Variants in SPG11 observed in about 807,000 individuals in gnomAD.
SPG11 encodes spatacsin.
In SPG11, 222 loss-of-function variants were observed where a neutral mutation model predicts 274.0. The ratio of observed to expected loss-of-function variants is 0.81; its 90% CI spans 0.73 to 0.91. The LOEUF is 0.91. Among genes scored for constraint, SPG11 ranks in the 40% least tolerant of loss-of-function variants. The pLI is 0.00. For missense variants in SPG11, 3,114 were observed against 2,872.7 expected (o/e 1.08, Z -1.92); for synonymous variants, 1,144 against 1,039.7 (o/e 1.10, Z -1.93).
chr15:44,613,730 A>G (rs1001880075), intron 16 of SPG11, among the ~76,000 whole-genome samples, 194 bp from the exon 17 acceptor site: 1 of 152,222 alleles, frequency 6.6e-6, no homozygotes, highest in African/African-American at 2.4e-5. Context: ...TTAGAGATAG[A>G]GATTTTAGAG....
At position 44,622,786 on chromosome 15, in the gene SPG11, T is replaced by A; in HGVS notation, c.2258A>T (p.Lys753Ile). 1 of 1,613,666 alleles carries A rather than the reference T, an allele frequency of 6.2e-7. No homozygotes were observed. Residue 753 changes from lysine to isoleucine, a missense_variant, in exon 12 of 40, where the codon AAA becomes ATA. Transcript: ENST00000261866. Reference protein sequence around the residue: ...ELLKNMGFDVKGQLLKICFYT... With the variant: ...ELLKNMGFDVIGQLLKICFYT... ...GAAGCAGATCTTGAGCAATTGGCCTTTTACATCAAACCCCTAAAATAAACA... is the reference window on the plus strand; with the variant it reads ...GAAGCAGATCTTGAGCAATTGGCCTATTACATCAAACCCCTAAAATAAACA...
At chr15:44,659,048 T>C in intron 3 of SPG11, 31 bp downstream of exon 3, 2 of 1,597,998 alleles carry the variant, frequency 1.3e-6, no homozygotes, top group East Asian at 2.2e-5. Context: ...CTCCTCTACG[T>C]ATCAATCAAC....
At chr15:44,624,291 C>T (rs562451997) in intron 11 of SPG11, among the ~76,000 whole-genome samples, 1 of 150,868 alleles carries the variant, frequency 6.6e-6, no homozygotes, top group Admixed American at 6.6e-5. Context: ...AGTTCGAGAC[C>T]AGCCTGGGCA....
Position 44,598,616 on chromosome 15 carries a change from T to C in SPG11, c.3892+15A>G. ...CCTTCTCTAAACAAAGCAGGCCAGA[T>C]AAAAGGTGCTGTACCTACAGACTCT... On this transcript the variant is annotated intron_variant, in intron 22 of 39. Coordinates refer to ENST00000261866, the MANE Select transcript of SPG11 (RefSeq NM_025137.4). 1 of 1,612,444 alleles carries C rather than the reference T, an allele frequency of 6.2e-7. No homozygotes were observed. The highest frequency in any genetic ancestry group is 8.5e-7 in the Non-Finnish European group (1 of 1,178,638).
chr15:44,655,454 G>A (rs952947521), intron 4 of SPG11, among the ~76,000 whole-genome samples: 1 of 152,126 alleles, frequency 6.6e-6, no homozygotes, highest in Non-Finnish European at 1.5e-5. Flanking sequence ...CATGTACCAT[G>A]GGTTGAGGTA....
chr15:44,615,221 T>C, intron 16 of SPG11, 142 bp downstream of exon 16: 1 of 818,100 alleles, frequency 1.2e-6, no homozygotes, highest in Non-Finnish European at 2.1e-6. Flanking sequence ...GTACCAACTG[T>C]TGAGATGGAG....
chr15:44,649,496 T>C (rs1727472130), intron 6 of SPG11, among the ~76,000 whole-genome samples: 1 of 152,156 alleles, frequency 6.6e-6, no homozygotes, highest in Non-Finnish European at 1.5e-5. Context: ...GCCTCCCAAA[T>C]GTTTTGATTA....
Position 44,615,513 on chromosome 15 carries a change from C to G in SPG11, c.2888G>C (p.Arg963Thr), listed in dbSNP as rs1255895994. The change falls in exon 16 of 40, where the codon AGA (arginine) becomes ACA (threonine). Residue 963 changes from arginine (R) to threonine (T), a missense_variant. Coordinates refer to ENST00000261866, the MANE Select transcript of SPG11 (RefSeq NM_025137.4). ...TATTACACCTCCAATACGGCTCAGT[C>G]TTAGGAGGAAGCATTCAAAGTCTTC... The part of the protein sequence containing the change: ...ELEDFECFLL[R>T]LSRIGGVIQD... The G allele has an allele frequency of 6.2e-7, 1 of 1,614,028 alleles. No homozygotes were observed. The highest frequency in any genetic ancestry group is 1.7e-5 in the Admixed American group (1 of 60,010).
At chr15:44,624,813 A>G (rs1187352713) in intron 11 of SPG11, among the ~76,000 whole-genome samples, 2 of 152,134 alleles carry the variant, frequency 1.3e-5, no homozygotes, top group African/African-American at 4.8e-5. Context: ...ACTCATACCT[A>G]AATAAAATTA....
intron 9 of SPG11, 130 bp from the exon 10 acceptor site, chr15:44,628,974 G>A (rs2083980819): frequency 1.0e-6 from 1 of 999,420 alleles, no homozygotes; most frequent in Non-Finnish European, 1.5e-6. Context: ...TATGTCTGAG[G>A]ATTTTCCTTT....
chr15:44,656,957 C>T (rs1415488722), intron 4 of SPG11, 138 bp downstream of exon 4: 4 of 714,786 alleles, frequency 5.6e-6, no homozygotes, highest in African/African-American at 3.6e-5. Flanking sequence ...AACTACTTTA[C>T]AATGTATTAG....
chr15:44,651,469 A>G (rs762444245), intron 6 of SPG11, 22 bp downstream of exon 6: 51 of 1,603,658 alleles, frequency 3.2e-5, no homozygotes, highest in Non-Finnish European at 4.1e-5. Flanking sequence ...ATGGATTTCA[A>G]TCTAATACAA....
chr15:44,614,165 GACA>G (rs370984544), intron 16 of SPG11, among the ~76,000 whole-genome samples: 4 of 152,292 alleles, frequency 2.6e-5, no homozygotes, highest in African/African-American at 9.6e-5. Context: ...TAGCTATGGA[GACA>G]ACATTTCTAA....
intron 6 of SPG11, among the ~76,000 whole-genome samples, chr15:44,650,962 G>A (rs559912420): frequency 6.6e-6 from 1 of 152,128 alleles, no homozygotes; most frequent in African/African-American, 2.4e-5. Context: ...TGGTCAGGCT[G>A]GTCTTGAACT....
chr15:44,611,963 G>A (rs1370885592), intron 17 of SPG11, among the ~76,000 whole-genome samples: 1 of 151,852 alleles, frequency 6.6e-6, no homozygotes, highest in African/African-American at 2.4e-5. Flanking sequence ...CCGCCACCAA[G>A]CCGGGCTAAT....
At position 44,663,412 on chromosome 15, in the gene SPG11, C is replaced by A. The variant is rs967435137; in HGVS notation, c.236G>T (p.Cys79Phe). Residue 79 changes from cysteine to phenylalanine, a missense_variant, in exon 1 of 40, where the codon TGC becomes TTC. Transcript: ENST00000261866. ...TTACTGCCAGAAGGGGCCCTCCAGG[C>A]AGCAGCGACCCCCGCCCCGGCTGCC... ...TPGSRGGGRC[C>F]LEGPFWHFLW... The A allele has an allele frequency of 2.5e-6, 4 of 1,607,084 alleles. No individual in the cohort carries two copies. In the African/African-American group the frequency reaches 5.3e-5, roughly 21 times the overall value.
chr15:44,637,190 G>A (rs1282256121), intron 7 of SPG11, among the ~76,000 whole-genome samples: 1 of 152,170 alleles, frequency 6.6e-6, no homozygotes, highest in Non-Finnish European at 1.5e-5. Flanking sequence ...TGCACTGGGA[G>A]ATATGAAGAA....
Position 44,585,699 on chromosome 15 carries a change from G to A in SPG11, c.5058C>T (p.Phe1686=), listed in dbSNP as rs1435099458. The A allele has an allele frequency of 7.4e-6, 12 of 1,611,788 alleles. No homozygotes were observed. The highest frequency in any genetic ancestry group is 2.2e-5 in the East Asian group (1 of 44,776). The change falls in exon 29 of 40, where the codon TTC becomes TTT. Residue 1686 remains phenylalanine, a synonymous_variant. Transcript: ENST00000261866. ...ATTCTGCTACCCTCCTGGCCAAAGC[G>A]AATTGTCCATCTGTCTGCAGTCTTT... ...ILERLQTDGQ[F]ALARRVAELA... is the part of the protein sequence containing the mutation.
chr15:44,605,447 C>T (rs2083294144), intron 20 of SPG11, among the ~76,000 whole-genome samples: 1 of 151,954 alleles, frequency 6.6e-6, no homozygotes, highest in Admixed American at 6.6e-5. Context: ...TAGGCAGAGG[C>T]ACCACAGGCA....
Sources: gnomAD v4.1 joint callset for allele counts (sites outside exome capture counted in the v4.1 genomes callset) on GRCh38, gnomAD v4.1.1 for gene constraint, MANE v1.5 for transcripts, NCBI Gene and HGNC (gene_info 2026-07-23, HGNC 2026-07-21) for gene names.